Variants in DPPA2 observed in about 807,000 individuals in gnomAD.
The protein encoded by DPPA2 is developmental pluripotency associated 2, also known as developmental pluripotency-associated protein 2.
A neutral mutation model predicts 36.2 loss-of-function variants in DPPA2; 26 were observed. The ratio of observed to expected loss-of-function variants is 0.72; its 90% CI spans 0.53 to 1.00. The LOEUF is 1.00. Ranked by LOEUF, DPPA2 falls within the 50% of genes least tolerant of loss-of-function variation. The pLI is 0.00. For missense variants in DPPA2, 361 were observed against 365.1 expected, an observed-to-expected ratio of 0.99 and a Z score of 0.09; for synonymous variants, 113 against 123.2, an observed-to-expected ratio of 0.92 and a Z score of 0.55.
intron 8 of DPPA2, among the ~76,000 whole-genome samples, chr3:109,299,535 A>C (rs1277789028): frequency 6.6e-6 from 1 of 151,522 alleles, no homozygotes; most frequent in African/African-American, 2.4e-5. Context: ...TAAAATAAAA[A>C]TTTAGCTGGG....
chr3:109,300,821 CAAA>C (rs767043097), intron 7 of DPPA2, among the ~76,000 whole-genome samples: 94 of 68,054 alleles, frequency 1.4e-3, no homozygotes, highest in African/African-American at 3.6e-3. Context: ...GACTCAGTCT[CAAA>C]AAAAAAAAAA....
chr3:109,301,238 C>A (rs990222248), intron 7 of DPPA2, among the ~76,000 whole-genome samples: 1 of 152,070 alleles, frequency 6.6e-6, no homozygotes, highest in Non-Finnish European at 1.5e-5. Context: ...CTTGGCCTCC[C>A]AAAGTGCTAG....
chr3:109,302,916 C>G (rs1043863800), intron 7 of DPPA2, among the ~76,000 whole-genome samples: 1 of 152,048 alleles, frequency 6.6e-6, no homozygotes, highest in African/African-American at 2.4e-5. Flanking sequence ...CTGGAGAGCA[C>G]ATAGTTATCA....
chr3:109,312,613 TCCA>T lies in DPPA2; in HGVS notation c.110_112del (p.Met37_Glu38delinsLys). 1 of 1,613,948 alleles carries T rather than the reference TCCA, an allele frequency of 6.2e-7. No homozygotes were observed. Among genetic ancestry groups the T allele is most frequent in the South Asian group, 1.1e-5 (1 of 91,046 alleles). On this transcript the variant is annotated inframe_deletion, in exon 3 of 9. Coordinates refer to ENST00000478945, the MANE Select transcript of DPPA2 (RefSeq NM_138815.4). ...TGAAGAAACGCTTGGTTCCATTTGTTCCATATTTGCGTCATCTTTAACTGGCAC... is the reference window on the plus strand; with the variant it reads ...TGAAGAAACGCTTGGTTCCATTTGTTTATTTGCGTCATCTTTAACTGGCAC...
chr3:109,311,353 C>T (rs963270993), intron 3 of DPPA2, among the ~76,000 whole-genome samples: 15 of 152,288 alleles, frequency 9.8e-5, no homozygotes, highest in Non-Finnish European at 1.5e-4. Flanking sequence ...CTACAGCTCC[C>T]CATTTCACCT....
At chr3:109,312,165 C>G (rs1187051076) in intron 3 of DPPA2, among the ~76,000 whole-genome samples, 1 of 152,104 alleles carries the variant, frequency 6.6e-6, no homozygotes, top group East Asian at 1.9e-4. Context: ...GAAAGCCCGT[C>G]TCTACTAAAA....
At chr3:109,313,870 G>A (rs1345001839) in intron 2 of DPPA2, among the ~76,000 whole-genome samples, 1 of 152,128 alleles carries the variant, frequency 6.6e-6, no homozygotes, top group Non-Finnish European at 1.5e-5. Flanking sequence ...GCAGCTATGT[G>A]ACTTCCCCAT....
chr3:109,312,546 T>C lies in DPPA2; in HGVS notation c.180A>G (p.Pro60=), dbSNP rs150889570. The C allele has an allele frequency of 1.2e-4, 198 of 1,612,604 alleles. 1 individual carries two copies. The African/African-American group carries it at 2.4e-3, about 19-fold the overall frequency. The part of the protein sequence containing the change: ...VKLEKPKKYN[P]GHLLQTNEQF... ...ACTGAGCAATCCCTGTCCTCATACC[T>C]GGATTGTATTTCTTAGGCTTCTCCA... Residue 60 remains proline, a splice_region_variant and synonymous_variant, in exon 3 of 9, where the codon CCA becomes CCG. Transcript: ENST00000478945.
At chr3:109,300,588 G>T (rs9865540) in intron 7 of DPPA2, among the ~76,000 whole-genome samples, 153 bp from the exon 8 acceptor site, 2 of 151,860 alleles carry the variant, frequency 1.3e-5, no homozygotes, top group Non-Finnish European at 2.9e-5. Flanking sequence ...GTGGGAGGCT[G>T]AGGAGGGCAG....
intron 8 of DPPA2, among the ~76,000 whole-genome samples, chr3:109,296,606 T>C (rs1707355421): frequency 6.7e-6 from 1 of 149,986 alleles, no homozygotes; most frequent in Non-Finnish European, 1.5e-5. Context: ...ACCCAGGAGG[T>C]GGAGGTTGCA....
At chr3:109,308,657 C>T (rs991797967) in intron 5 of DPPA2, among the ~76,000 whole-genome samples, 2 of 152,300 alleles carry the variant, frequency 1.3e-5, no homozygotes, top group East Asian at 1.9e-4. Flanking sequence ...CCACCACACC[C>T]GGCCAATTTT....
chr3:109,301,761 CAG>C (rs1242036487), intron 7 of DPPA2, among the ~76,000 whole-genome samples: 1 of 152,072 alleles, frequency 6.6e-6, no homozygotes, highest in African/African-American at 2.4e-5. Context: ...AAGAAAAAGA[CAG>C]AGAGAGACGA....
chr3:109,308,316 G>A (rs1271792093), intron 5 of DPPA2, 23 bp from the exon 6 acceptor site: 2 of 1,612,494 alleles, frequency 1.2e-6, no homozygotes, highest in African/African-American at 1.3e-5. Flanking sequence ...TTCACGATGA[G>A]TATTCAGTAA....
rs926306517 is a variant in DPPA2 at position 109,308,154 on chromosome 3, G to A, written c.536C>T (p.Thr179Ile). 1.1e-5 allele frequency: 18 copies of A among 1,614,098 alleles called. No homozygotes were observed. The highest frequency in any genetic ancestry group is 1.4e-5 in the Non-Finnish European group (16 of 1,180,054). ...TGCCAACATGGCTCCCGGTGCTGAA[G>A]TTATCACTTCAACTGTATTGGTCTC... The part of the protein sequence containing the change: ...AEETNTVEVI[T>I]SAPGAMLASW... The change falls in exon 6 of 9, where the codon ACT becomes ATT. Residue 179 changes from threonine to isoleucine, a missense_variant. Coordinates refer to ENST00000478945, the MANE Select transcript of DPPA2 (RefSeq NM_138815.4).
intron 3 of DPPA2, among the ~76,000 whole-genome samples, chr3:109,311,103 C>T (rs2107319246): frequency 6.6e-6 from 1 of 152,246 alleles, no homozygotes; most frequent in African/African-American, 2.4e-5. Context: ...TGTCCGGCCT[C>T]AAACCTATGT....
intron 8 of DPPA2, 93 bp downstream of exon 8, chr3:109,300,278 G>C (rs1321062704): frequency 2.0e-6 from 2 of 1,002,044 alleles, no homozygotes; most frequent in East Asian, 4.8e-5. Flanking sequence ...TGAATAGGGG[G>C]AAGGCAGAGA....
intron 8 of DPPA2, among the ~76,000 whole-genome samples, chr3:109,298,904 G>T (rs1345831997): frequency 6.6e-6 from 1 of 151,932 alleles, no homozygotes; most frequent in Admixed American, 6.6e-5. Context: ...AAATTAGCTG[G>T]GCATTATGGT....
intron 2 of DPPA2, among the ~76,000 whole-genome samples, chr3:109,313,272 G>T (rs1418428670): frequency 6.6e-6 from 1 of 152,150 alleles, no homozygotes; most frequent in Non-Finnish European, 1.5e-5. Flanking sequence ...CCAACAGTCT[G>T]GTCCCTGCCT....
intron 5 of DPPA2, 58 bp downstream of exon 5, chr3:109,308,968 G>A: frequency 1.3e-6 from 2 of 1,595,976 alleles, no homozygotes; most frequent in East Asian, 2.2e-5. Flanking sequence ...CGACGGTAGG[G>A]ACCGGACGAA....
Sources: gnomAD v4.1 joint callset for allele counts (sites outside exome capture counted in the v4.1 genomes callset) on GRCh38, gnomAD v4.1.1 for gene constraint, MANE v1.5 for transcripts, NCBI Gene and HGNC (gene_info 2026-07-23, HGNC 2026-07-21) for gene names.